Variants in ILRUN observed in about 807,000 individuals in gnomAD.
The protein encoded by ILRUN is inflammation and lipid regulator with UBA-like and NBR1-like domains.
Under a neutral mutation model 33.8 loss-of-function variants are expected in ILRUN, and 3 were observed. That is an observed-to-expected ratio of 0.09 (90% CI 0.04 to 0.23). ILRUN has a LOEUF of 0.23. ILRUN is among the 10% of genes least tolerant of loss of function. ILRUN has a pLI of 1.00. For missense variants in ILRUN, 210 were observed against 375.1 expected, an observed-to-expected ratio of 0.56 and a Z score of 3.64; for synonymous variants, 124 against 138.9, an observed-to-expected ratio of 0.89 and a Z score of 0.75.
intron 3 of ILRUN, among the ~76,000 whole-genome samples, chr6:34,639,024 A>G (rs1762419336): frequency 6.6e-6 from 1 of 152,230 alleles, no homozygotes; most frequent in Non-Finnish European, 1.5e-5. Context: ...CACAAGCAAG[A>G]AATAAGGAAA....
intron 2 of ILRUN, among the ~76,000 whole-genome samples, chr6:34,654,030 A>T (rs1266109475): frequency 6.8e-6 from 1 of 146,990 alleles, no homozygotes; most frequent in Non-Finnish European, 1.5e-5. Flanking sequence ...CCCAATCTGT[A>T]TTTTTTTTTT....
intron 3 of ILRUN, among the ~76,000 whole-genome samples, chr6:34,609,526 A>G (rs1257828471): frequency 6.6e-6 from 1 of 152,124 alleles, no homozygotes; most frequent in Non-Finnish European, 1.5e-5. Context: ...AAAGTATCAT[A>G]CAACCATAAA....
chr6:34,671,356 A>G (rs1411034746), intron 1 of ILRUN, among the ~76,000 whole-genome samples: 1 of 152,226 alleles, frequency 6.6e-6, no homozygotes. Flanking sequence ...GCTGCGCTCA[A>G]GCCTGGGTGA....
intron 3 of ILRUN, among the ~76,000 whole-genome samples, chr6:34,627,981 G>A (rs1171406991): frequency 2.0e-5 from 3 of 151,984 alleles, no homozygotes; most frequent in Non-Finnish European, 4.4e-5. Flanking sequence ...GGGATTACAG[G>A]CATGAGCCAC....
At chr6:34,610,639 C>A (rs1398469829) in intron 3 of ILRUN, among the ~76,000 whole-genome samples, 1 of 151,856 alleles carries the variant, frequency 6.6e-6, no homozygotes, top group African/African-American at 2.4e-5. Context: ...TTCAAAAATC[C>A]AAAAAAATGT....
intron 3 of ILRUN, among the ~76,000 whole-genome samples, chr6:34,644,673 A>G (rs1448127462): frequency 6.6e-6 from 1 of 152,176 alleles, no homozygotes; most frequent in African/African-American, 2.4e-5. Context: ...ACAAATACCT[A>G]ATATACAATG....
At chr6:34,650,103 T>A (rs1762630507) in intron 2 of ILRUN, among the ~76,000 whole-genome samples, 2 of 152,198 alleles carry the variant, frequency 1.3e-5, no homozygotes, top group South Asian at 2.1e-4. Flanking sequence ...AGGGTTATCA[T>A]AACATGCACA....
intron 4 of ILRUN, among the ~76,000 whole-genome samples, chr6:34,597,363 G>C (rs755825551): frequency 6.6e-6 from 1 of 152,248 alleles, no homozygotes; most frequent in African/African-American, 2.4e-5. Flanking sequence ...GGGTAGAGGA[G>C]ATTTCCAAAG....
chr6:34,636,547 TAGG>T (rs1395355733), intron 3 of ILRUN, among the ~76,000 whole-genome samples: 11 of 152,316 alleles, frequency 7.2e-5, no homozygotes, highest in East Asian at 1.9e-4. Flanking sequence ...TGCTTTTCAA[TAGG>T]AGATTATCCT....
At chr6:34,683,155 CACGT>C (rs1305309464) in intron 1 of ILRUN, among the ~76,000 whole-genome samples, 2 of 143,862 alleles carry the variant, frequency 1.4e-5, no homozygotes, top group African/African-American at 5.3e-5. Flanking sequence ...TATAAATACA[CACGT>C]GTGTTTATGT....
At chr6:34,680,466 T>G (rs1763335474) in intron 1 of ILRUN, among the ~76,000 whole-genome samples, 1 of 152,078 alleles carries the variant, frequency 6.6e-6, no homozygotes, top group Non-Finnish European at 1.5e-5. Context: ...AAATCATGTC[T>G]TTTTTTGTTT....
intron 3 of ILRUN, among the ~76,000 whole-genome samples, chr6:34,613,151 T>C (rs1291717222): frequency 1.3e-5 from 2 of 151,818 alleles, no homozygotes; most frequent in East Asian, 1.9e-4. Context: ...GAGGTGGAGG[T>C]TGCAGTGAGC....
At chr6:34,674,325 C>A (rs913250288) in intron 1 of ILRUN, among the ~76,000 whole-genome samples, 2 of 152,204 alleles carry the variant, frequency 1.3e-5, no homozygotes, top group Admixed American at 1.3e-4. Context: ...CCGCGCCCGG[C>A]CCCCAAATCT....
chr6:34,632,463 T>C (rs575198757), intron 3 of ILRUN, among the ~76,000 whole-genome samples: 11 of 152,140 alleles, frequency 7.2e-5, no homozygotes, highest in African/African-American at 2.6e-4. Flanking sequence ...AATAAGTGTT[T>C]ATATTTGGAT....
At chr6:34,613,748 A>G (rs1761808204) in intron 3 of ILRUN, among the ~76,000 whole-genome samples, 1 of 152,264 alleles carries the variant, frequency 6.6e-6, no homozygotes, top group East Asian at 1.9e-4. Context: ...AGTTGTAGAT[A>G]CGTCCATATA....
At chr6:34,625,152 C>T (rs1762093240) in intron 3 of ILRUN, among the ~76,000 whole-genome samples, 1 of 152,116 alleles carries the variant, frequency 6.6e-6, no homozygotes, top group African/African-American at 2.4e-5. Context: ...GCAGAACTTC[C>T]TTAATGTTTC....
intron 3 of ILRUN, among the ~76,000 whole-genome samples, chr6:34,625,846 C>CTT (rs58219612): frequency 1.1e-3 from 126 of 114,234 alleles, no homozygotes; most frequent in Non-Finnish European, 1.6e-3. Flanking sequence ...TATTGAAAGG[C>CTT]TTTTTTTTTT....
At chr6:34,605,318 C>CAAAAAAAAAAAAA (rs78612898) in intron 4 of ILRUN, among the ~76,000 whole-genome samples, 17 of 74,084 alleles carry the variant, frequency 2.3e-4, no homozygotes, top group South Asian at 6.0e-4. Context: ...AAAACAAAAA[C>CAAAAAAAAAAAAA]AAAAAAAAAA....
At chr6:34,593,517 T>C (rs569374350) in intron 4 of ILRUN, among the ~76,000 whole-genome samples, 8 of 152,350 alleles carry the variant, frequency 5.3e-5, no homozygotes, top group African/African-American at 1.9e-4. Flanking sequence ...TTCCTTTGAG[T>C]GCCCTGGCCT....
Sources: gnomAD v4.1 joint callset for allele counts (sites outside exome capture counted in the v4.1 genomes callset) on GRCh38, gnomAD v4.1.1 for gene constraint, MANE v1.5 for transcripts, NCBI Gene and HGNC (gene_info 2026-07-23, HGNC 2026-07-21) for gene names.